PRSS23: variants seen among roughly 807,000 people sequenced by gnomAD.
PRSS23 encodes the protein serine protease 23.
In PRSS23, 25 loss-of-function variants were observed where a neutral mutation model predicts 34.7. The observed-to-expected ratio is 0.72, with a 90% CI of 0.53 to 1.01. The LOEUF (loss-of-function observed/expected upper bound fraction) is 1.01. PRSS23 is among the 50% of genes least tolerant of loss of function. The pLI, the probability that PRSS23 is intolerant of heterozygous loss-of-function variation, is 0.00. For missense variants in PRSS23, 445 were observed against 475.6 expected, an observed-to-expected ratio of 0.94 and a Z score of 0.60; for synonymous variants, 176 against 186.6, an observed-to-expected ratio of 0.94 and a Z score of 0.46.
chr11:86,793,390 G>A (rs1164211078), intron 1 of PRSS23, among the ~76,000 whole-genome samples: 2 of 152,214 alleles, frequency 1.3e-5, no homozygotes, highest in African/African-American at 4.8e-5. Flanking sequence ...AGAACACCCT[G>A]TAGTGGCCAA....
chr11:86,861,573 G>A (rs1245145765), intron 2 of PRSS23, among the ~76,000 whole-genome samples: 1 of 151,804 alleles, frequency 6.6e-6, no homozygotes, highest in Non-Finnish European at 1.5e-5. Context: ...CATTTGCAGG[G>A]GGCGGACACC....
At chr11:86,889,447 G>A (rs1948826683) in intron 2 of PRSS23, among the ~76,000 whole-genome samples, 1 of 152,160 alleles carries the variant, frequency 6.6e-6, no homozygotes, top group Admixed American at 6.5e-5. Flanking sequence ...GCAAGAATGT[G>A]GTCTCTGCAT....
intron 2 of PRSS23, among the ~76,000 whole-genome samples, chr11:86,841,495 C>T (rs1273528524): frequency 6.6e-6 from 1 of 151,914 alleles, no homozygotes; most frequent in African/African-American, 2.4e-5. Context: ...TCAATGAATC[C>T]AGGAGCTGGT....
chr11:86,855,781 A>G (rs534609419), intron 2 of PRSS23, among the ~76,000 whole-genome samples: 22 of 152,302 alleles, frequency 1.4e-4, no homozygotes, highest in Non-Finnish European at 2.8e-4. Context: ...GATAACAGAC[A>G]TGAGCCACCA....
intron 1 of PRSS23, among the ~76,000 whole-genome samples, chr11:86,820,489 A>C (rs1340028155): frequency 1.3e-5 from 2 of 152,204 alleles, no homozygotes; most frequent in Non-Finnish European, 2.9e-5. Context: ...CATTATCATC[A>C]TCCTGTATGT....
intron 1 of PRSS23, among the ~76,000 whole-genome samples, chr11:86,793,588 TG>T (rs980868337): frequency 2.0e-5 from 3 of 152,200 alleles, no homozygotes; most frequent in Admixed American, 1.3e-4. Context: ...AGACCCTAAA[TG>T]GAAGTTCAGA....
At chr11:86,842,220 C>T (rs959348685) in intron 2 of PRSS23, among the ~76,000 whole-genome samples, 1 of 152,168 alleles carries the variant, frequency 6.6e-6, no homozygotes, top group Non-Finnish European at 1.5e-5. Context: ...AGACCTTTGA[C>T]AAAATTCAAC....
chr11:86,929,570 G>A (rs1228842559), intron 2 of PRSS23, among the ~76,000 whole-genome samples: 1 of 152,224 alleles, frequency 6.6e-6, no homozygotes, highest in Non-Finnish European at 1.5e-5. Flanking sequence ...TTGAACCTGG[G>A]AGGCGGAGGT....
At chr11:86,862,725 T>A (rs1202225890) in intron 2 of PRSS23, among the ~76,000 whole-genome samples, 2 of 151,938 alleles carry the variant, frequency 1.3e-5, no homozygotes, top group African/African-American at 4.8e-5. Context: ...TCACAAAAGA[T>A]ATACACCCTT....
intron 1 of PRSS23, among the ~76,000 whole-genome samples, chr11:86,794,780 C>T (rs1947970563): frequency 6.6e-6 from 1 of 151,928 alleles, no homozygotes; most frequent in Non-Finnish European, 1.5e-5. Flanking sequence ...GTTTTTATTA[C>T]AGGAATTTTA....
At chr11:86,842,112 G>T (rs1007253730) in intron 2 of PRSS23, among the ~76,000 whole-genome samples, 1 of 152,224 alleles carries the variant, frequency 6.6e-6, no homozygotes, top group Non-Finnish European at 1.5e-5. Flanking sequence ...CCCCTGGGAT[G>T]CAAGGCTTGT....
At chr11:86,897,533 C>G (rs1948884872) in intron 2 of PRSS23, among the ~76,000 whole-genome samples, 1 of 152,188 alleles carries the variant, frequency 6.6e-6, no homozygotes, top group Admixed American at 6.5e-5. Context: ...AGTGCAGTGG[C>G]ATAATCATAT....
chr11:86,875,285 C>A (rs903024219), intron 2 of PRSS23, among the ~76,000 whole-genome samples: 1 of 152,128 alleles, frequency 6.6e-6, no homozygotes. Context: ...GCAGGAGAAT[C>A]ACTTGAACCC....
intron 1 of PRSS23, among the ~76,000 whole-genome samples, chr11:86,816,502 G>A (rs557749608): frequency 6.6e-6 from 1 of 152,140 alleles, no homozygotes; most frequent in Non-Finnish European, 1.5e-5. Context: ...ATAAGTCTTT[G>A]AGTTACCGTC....
At chr11:86,923,095 T>C (rs1017460124) in intron 2 of PRSS23, among the ~76,000 whole-genome samples, 6 of 151,894 alleles carry the variant, frequency 4.0e-5, no homozygotes, top group African/African-American at 1.4e-4. Flanking sequence ...TTCAATAATA[T>C]ATGTTAAAAT....
chr11:86,833,277 G>A, intron 2 of PRSS23: 4 of 1,568,622 alleles, frequency 2.6e-6, no homozygotes, highest in Non-Finnish European at 3.5e-6. Flanking sequence ...TGGAGAGGAA[G>A]AAGTACATGG....
intron 2 of PRSS23, among the ~76,000 whole-genome samples, chr11:86,869,068 C>T (rs574664457): frequency 6.6e-6 from 1 of 152,304 alleles, no homozygotes; most frequent in Admixed American, 6.5e-5. Flanking sequence ...CTGCCTCAGC[C>T]TCCCAAAGTG....
intron 2 of PRSS23, among the ~76,000 whole-genome samples, chr11:86,824,054 G>T (rs1177766256): frequency 1.3e-5 from 2 of 149,988 alleles, no homozygotes; most frequent in Non-Finnish European, 3.0e-5. Context: ...AGGGGCTTTG[G>T]TGAAGAGAAG....
rs1283772366 is a variant in PRSS23 at position 86,879,777 on chromosome 11, G to T, written c.206+56184G>T. ...GCCCCGTCCGGGAGGGAGGTGGGGG[G>T]GTCAGCCCCCTGCCCGGCCAGCCGC... On this transcript the variant is annotated intron_variant, in intron 2 of 2. Transcript: ENST00000533902. Among the ~76,000 whole-genome samples the T allele has an allele frequency of 4.3e-3, 455 of 106,884 alleles. 12 individuals carry two copies. The highest frequency in any genetic ancestry group is 0.017 in the African/African-American group (409 of 24,604). The allele number at this position is 106,884 out of a possible 152,430, so 70.1% of individuals were successfully genotyped here.
Sources: gnomAD v4.1 joint callset for allele counts (sites outside exome capture counted in the v4.1 genomes callset) on GRCh38, gnomAD v4.1.1 for gene constraint, MANE v1.5 for transcripts, NCBI Gene and HGNC (gene_info 2026-07-23, HGNC 2026-07-21) for gene names.